Variants in VAT1L observed in about 807,000 individuals in gnomAD.
The protein encoded by VAT1L is putative NADPH-dependent quinone oxidoreductase VAT1L.
Under a neutral mutation model 44.1 loss-of-function variants are expected in VAT1L, and 34 were observed. The observed-to-expected ratio is 0.77, with a 90% confidence interval of 0.59 to 1.03. The LOEUF is 1.03. Among genes scored for constraint, VAT1L ranks in the 50% least tolerant of loss-of-function variants. The pLI, the probability that VAT1L is intolerant of heterozygous loss-of-function variation, is 0.00. For missense variants in VAT1L, 615 were observed against 538.8 expected (o/e 1.14, Z -1.40); for synonymous variants, 253 against 202.2 (o/e 1.25, Z -2.13).
intron 8 of VAT1L, 100 bp downstream of exon 8, chr16:77,972,033 C>G (rs374667251): frequency 3.3e-5 from 39 of 1,176,594 alleles, no homozygotes; most frequent in Non-Finnish European, 4.7e-5. Flanking sequence ...TACAGGTAGC[C>G]TGTGGGCTAG....
At chr16:77,933,419 A>G (rs2142504287) in intron 7 of VAT1L, among the ~76,000 whole-genome samples, 1 of 152,346 alleles carries the variant, frequency 6.6e-6, no homozygotes, top group East Asian at 1.9e-4. Context: ...TTCATTAAAC[A>G]CCTACCTGAA....
chr16:77,824,970 AGTTCTCCTGC>A (rs1270881674), intron 2 of VAT1L, among the ~76,000 whole-genome samples: 4 of 144,838 alleles, frequency 2.8e-5, no homozygotes, highest in African/African-American at 1.0e-4. Flanking sequence ...GGGTTCAAGC[AGTTCTCCTGC>A]CTCAGCCTCC....
intron 5 of VAT1L, among the ~76,000 whole-genome samples, chr16:77,876,781 G>T (rs2017091776): frequency 1.3e-5 from 2 of 152,192 alleles, no homozygotes; most frequent in Admixed American, 1.3e-4. Context: ...TGGAAAATAT[G>T]AATGACTTCA....
At chr16:77,867,848 G>C (rs1350239304) in intron 4 of VAT1L, among the ~76,000 whole-genome samples, 1 of 136,272 alleles carries the variant, frequency 7.3e-6, no homozygotes, top group Non-Finnish European at 1.5e-5. Flanking sequence ...GACAGAGCGA[G>C]ACTATCTTAA....
chr16:77,846,256 C>T (rs11647022), intron 3 of VAT1L, among the ~76,000 whole-genome samples: 14,846 of 152,142 alleles, frequency 0.098, 896 homozygotes, highest in African/African-American at 0.17. Context: ...GCTTGTAAGC[C>T]ATTATGCCAG....
chr16:77,867,732 A>G (rs1356279377), intron 4 of VAT1L, among the ~76,000 whole-genome samples: 1 of 152,034 alleles, frequency 6.6e-6, no homozygotes, highest in Admixed American at 6.6e-5. Flanking sequence ...GGTGGTGCAC[A>G]CCTGTAATCC....
At chr16:77,817,602 G>T (rs943405382) in intron 2 of VAT1L, among the ~76,000 whole-genome samples, 5 of 152,132 alleles carry the variant, frequency 3.3e-5, no homozygotes, top group Non-Finnish European at 2.9e-5. Flanking sequence ...GAACAGAACT[G>T]GCCATGGATT....
At chr16:77,822,646 C>G (rs2145243726) in intron 2 of VAT1L, among the ~76,000 whole-genome samples, 1 of 152,218 alleles carries the variant, frequency 6.6e-6, no homozygotes, top group Non-Finnish European at 1.5e-5. Flanking sequence ...GAGGGGAAGA[C>G]CTGCTTAGGT....
At chr16:77,943,859 T>G (rs1475138489) in intron 7 of VAT1L, among the ~76,000 whole-genome samples, 1 of 152,146 alleles carries the variant, frequency 6.6e-6, no homozygotes, top group Non-Finnish European at 1.5e-5. Flanking sequence ...CACCATTTCT[T>G]TCCTCCACAC....
intron 7 of VAT1L, among the ~76,000 whole-genome samples, chr16:77,896,891 C>A (rs911692220): frequency 3.9e-5 from 6 of 152,170 alleles, no homozygotes; most frequent in Admixed American, 6.5e-5. Context: ...CCTTGTGAGC[C>A]AGGGACAGAG....
chr16:77,850,356 G>A (rs1395125899), intron 3 of VAT1L, among the ~76,000 whole-genome samples: 1 of 152,176 alleles, frequency 6.6e-6, no homozygotes, highest in Non-Finnish European at 1.5e-5. Context: ...TCAGTTCAGA[G>A]TAACCAGGTC....
At chr16:77,966,213 T>C (rs181948729) in intron 7 of VAT1L, among the ~76,000 whole-genome samples, 171 of 152,340 alleles carry the variant, frequency 1.1e-3, no homozygotes, top group African/African-American at 4.0e-3. Flanking sequence ...TTTATATTTA[T>C]TTTAGATGGC....
chr16:77,935,792 G>A (rs548405786), intron 7 of VAT1L, among the ~76,000 whole-genome samples: 2 of 152,298 alleles, frequency 1.3e-5, no homozygotes, highest in Admixed American at 6.5e-5. Flanking sequence ...CTACCTGTGT[G>A]ACCATGGACA....
chr16:77,946,365 GTTCCGC>G (rs1406009929), intron 7 of VAT1L, among the ~76,000 whole-genome samples: 1 of 128,814 alleles, frequency 7.8e-6, no homozygotes, highest in Non-Finnish European at 1.6e-5. Flanking sequence ...CTCACTGCAA[GTTCCGC>G]CTCCCAGGTT....
At chr16:77,921,492 G>A (rs1486130399) in intron 7 of VAT1L, among the ~76,000 whole-genome samples, 8 of 152,134 alleles carry the variant, frequency 5.3e-5, no homozygotes, top group Non-Finnish European at 8.8e-5. Context: ...ATCTTCTGGG[G>A]ACCACAGATC....
At chr16:77,933,861 G>T (rs1394009857) in intron 7 of VAT1L, among the ~76,000 whole-genome samples, 1 of 152,228 alleles carries the variant, frequency 6.6e-6, no homozygotes, top group Non-Finnish European at 1.5e-5. Context: ...CTAGGTCAGA[G>T]AAGTAAGCAG....
chr16:77,910,938 G>A (rs2017493768), intron 7 of VAT1L, among the ~76,000 whole-genome samples: 1 of 152,290 alleles, frequency 6.6e-6, no homozygotes, highest in South Asian at 2.1e-4. Context: ...TTTAATAGAT[G>A]AGGCAAAAGA....
intron 4 of VAT1L, among the ~76,000 whole-genome samples, chr16:77,874,839 T>TAAAAAAAAAAAAAAAAAAA (rs769810512): frequency 1.1e-5 from 1 of 87,718 alleles, no homozygotes. Flanking sequence ...AATTAATTTG[T>TAAAAAAAAAAAAAAAAAAA]AAAAAAAAAA....
chr16:77,807,924 G>T (rs1313468235), intron 1 of VAT1L, among the ~76,000 whole-genome samples: 2 of 152,004 alleles, frequency 1.3e-5, no homozygotes, highest in Non-Finnish European at 2.9e-5. Flanking sequence ...TAATTCTTTG[G>T]GGAGAACTTT....
Sources: gnomAD v4.1 joint callset for allele counts (sites outside exome capture counted in the v4.1 genomes callset) on GRCh38, gnomAD v4.1.1 for gene constraint, MANE v1.5 for transcripts, NCBI Gene and HGNC (gene_info 2026-07-23, HGNC 2026-07-21) for gene names.